The following TXNDC11 variants were observed in gnomAD, a reference collection of about 807,000 sequenced individuals.
The protein encoded by TXNDC11 is thioredoxin domain-containing protein 11.
TXNDC11 carries 68 observed loss-of-function variants against 78.0 expected under a neutral mutation model. The observed-to-expected ratio is 0.87, with a 90% CI of 0.72 to 1.07. TXNDC11 has a LOEUF of 1.07. TXNDC11 is among the 50% of genes least tolerant of loss of function. The pLI is 0.00. For missense variants in TXNDC11, 1,389 were observed against 1,221.8 expected, an observed-to-expected ratio of 1.14 and a Z score of -2.04; for synonymous variants, 571 against 495.2, an observed-to-expected ratio of 1.15 and a Z score of -2.03.
At position 11,679,180 on chromosome 16, in the gene TXNDC11, A is replaced by C. The variant is rs779075493; in HGVS notation, c.*15T>G. On this transcript the variant is annotated 3_prime_UTR_variant, in exon 12 of 12. Coordinates refer to ENST00000283033, the MANE Select transcript of TXNDC11 (RefSeq NM_015914.7). The surrounding 1 kb of genome is among the most constrained non-coding windows in gnomAD (Gnocchi z 4.6). ...TACAATTTTCACCTCTGATTTCTTCATATCATTTAAAAAGTTAGTCTGTCC... is the reference window on the plus strand; with the variant it reads ...TACAATTTTCACCTCTGATTTCTTCCTATCATTTAAAAAGTTAGTCTGTCC... 4 of 1,609,948 alleles carry C rather than the reference A, an allele frequency of 2.5e-6. No individual in the cohort carries two copies. In the South Asian group the frequency reaches 4.4e-5, roughly 18 times the overall value.
chr16:11,681,613 CTG>C (rs1448806139), intron 11 of TXNDC11, among the ~76,000 whole-genome samples: 2 of 152,312 alleles, frequency 1.3e-5, no homozygotes, highest in East Asian at 3.9e-4. Flanking sequence ...CTCTAAAAAA[CTG>C]TGATTCTTCC....
In TXNDC11 at chr16:11,688,417, G is replaced by A. The variant is rs61738739; in HGVS notation, c.1929C>T (p.Leu643=). 1 of 1,612,880 alleles carries A rather than the reference G, an allele frequency of 6.2e-7. No individual in the cohort carries two copies. Among genetic ancestry groups the A allele is most frequent in the East Asian group, 2.2e-5 (1 of 44,880 alleles). The part of the protein sequence containing the change: ...LESFIQNFSV[L]YSPLKRHLIG... ...TGAGATGCCTTTTCAAGGGACTATA[G>A]AGAACGCTGAAGTTTTGAATAAAAG... Residue 643 remains leucine (L), a synonymous_variant, in exon 9 of 12, where the codon CTC becomes CTT. Coordinates refer to ENST00000283033, the MANE Select transcript of TXNDC11 (RefSeq NM_015914.7).
At chr16:11,734,130 T>C in intron 2 of TXNDC11, 51 bp from the exon 3 acceptor site, 1 of 1,148,358 alleles carries the variant, frequency 8.7e-7, no homozygotes, top group Middle Eastern at 2.0e-4. Context: ...AACTGAAAAG[T>C]TACCAAGATT....
At chr16:11,688,985 C>T (rs945215594) in intron 8 of TXNDC11, among the ~76,000 whole-genome samples, 1 of 151,872 alleles carries the variant, frequency 6.6e-6, no homozygotes, top group Non-Finnish European at 1.5e-5. Context: ...TACATAAAAC[C>T]CATAATAATC....
Position 11,679,185 on chromosome 16 carries a change from A to G in TXNDC11, c.*10T>C, listed in dbSNP as rs1420892763. On this transcript the variant is annotated 3_prime_UTR_variant, in exon 12 of 12. Coordinates refer to ENST00000283033, the MANE Select transcript of TXNDC11 (RefSeq NM_015914.7). This position sits in a 1 kb window ranked among gnomAD's most constrained non-coding sequence, Gnocchi z 4.6. ...TTTTCACCTCTGATTTCTTCATATC[A>G]TTTAAAAAGTTAGTCTGTCCTGTTC... is the stretch of plus-strand genomic sequence containing the variant. The G allele has an allele frequency of 6.2e-7, 1 of 1,610,858 alleles. No homozygotes were observed. Among genetic ancestry groups the G allele is most frequent in the Admixed American group, 1.7e-5 (1 of 59,404 alleles).
intron 5 of TXNDC11, among the ~76,000 whole-genome samples, chr16:11,705,292 G>A (rs1258457945): frequency 6.6e-6 from 1 of 152,164 alleles, no homozygotes; most frequent in Non-Finnish European, 1.5e-5. Context: ...AGGCAATTAT[G>A]GAACTCTCTG....
In TXNDC11 at chr16:11,691,329, T is replaced by C. The variant is rs141781315; in HGVS notation, c.1861A>G (p.Ile621Val). Residue 621 changes from isoleucine to valine, a missense_variant, in exon 8 of 12, where the codon ATC becomes GTC. Coordinates refer to ENST00000283033, the MANE Select transcript of TXNDC11 (RefSeq NM_015914.7). Reference sequence around the variant, plus strand: ...ATCAGTGCTTGCTTTGGATCCAAGATGTAATGAGATTCTTCTTTCACGTCA... The same window carrying C: ...ATCAGTGCTTGCTTTGGATCCAAGACGTAATGAGATTCTTCTTTCACGTCA... ...IVDVKEESHY[I>V]LDPKQALMKL... 6.2e-7 allele frequency: 1 copy of C among 1,614,140 alleles called. No individual in the cohort carries two copies. Among genetic ancestry groups the C allele is most frequent in the Non-Finnish European group, 8.5e-7 (1 of 1,179,974 alleles).
intron 3 of TXNDC11, among the ~76,000 whole-genome samples, chr16:11,732,880 G>T (rs901612288): frequency 6.6e-6 from 1 of 152,078 alleles, no homozygotes; most frequent in African/African-American, 2.4e-5. Context: ...AAAAAGGAAA[G>T]CTCTCTACTG....
rs145520329 is a variant in TXNDC11 at position 11,698,717 on chromosome 16, C to G, written c.907-392G>C. 2.2e-3 allele frequency among the ~76,000 whole-genome samples: 337 copies of G among 152,328 alleles called. 1 individual carries two copies. Among genetic ancestry groups the G allele is most frequent in the African/African-American group, 7.6e-3 (317 of 41,576 alleles). On this transcript the variant is annotated intron_variant, in intron 6 of 11. Transcript: ENST00000283033. Reference sequence around the variant, plus strand: ...TCTAAGGGAACAGAAACTACAGAGTCAAGGATCATTTAGATTTTGACCTTG... The same window carrying G: ...TCTAAGGGAACAGAAACTACAGAGTGAAGGATCATTTAGATTTTGACCTTG...
chr16:11,703,030 G>A (rs1427006300), intron 5 of TXNDC11, among the ~76,000 whole-genome samples: 2 of 152,126 alleles, frequency 1.3e-5, no homozygotes, highest in Non-Finnish European at 2.9e-5. Flanking sequence ...GCACTGAGTA[G>A]GCCTTTTTGT....
chr16:11,681,011 A>G (rs1298175955), intron 11 of TXNDC11, among the ~76,000 whole-genome samples: 1 of 152,002 alleles, frequency 6.6e-6, no homozygotes, highest in Non-Finnish European at 1.5e-5. Context: ...TATAAAAAGT[A>G]AGATAAAAAA....
At chr16:11,725,358 G>GA (rs36072638) in intron 4 of TXNDC11, among the ~76,000 whole-genome samples, 36 of 143,972 alleles carry the variant, frequency 2.5e-4, no homozygotes, top group South Asian at 4.4e-4. Context: ...TATTCATTTA[G>GA]AAAAAAAAAA....
chr16:11,729,792 T>C (rs1191285684), intron 4 of TXNDC11, among the ~76,000 whole-genome samples: 1 of 152,170 alleles, frequency 6.6e-6, no homozygotes, highest in East Asian at 1.9e-4. Flanking sequence ...ATTCTTAACA[T>C]GCATTAAAGA....
At chr16:11,719,987 A>T (rs1464404331) in intron 5 of TXNDC11, among the ~76,000 whole-genome samples, 3 of 152,090 alleles carry the variant, frequency 2.0e-5, no homozygotes, top group African/African-American at 4.8e-5. Context: ...GAGGAAGGAG[A>T]AGCGAGTGGA....
chr16:11,694,728 C>G (rs1194599452), intron 7 of TXNDC11, among the ~76,000 whole-genome samples: 2 of 152,064 alleles, frequency 1.3e-5, no homozygotes, highest in East Asian at 3.9e-4. Flanking sequence ...GCTGGGATTA[C>G]AGGCGTGAGC....
chr16:11,719,381 A>T (rs1021286715), intron 5 of TXNDC11, among the ~76,000 whole-genome samples: 5 of 152,212 alleles, frequency 3.3e-5, no homozygotes, highest in African/African-American at 1.2e-4. Context: ...CTGCTTAGTC[A>T]CTTGAAACTG....
Position 11,734,096 on chromosome 16 carries a change from G to C in TXNDC11, c.472-17C>G. ...AAACAACACCTGCAGAGCCAAAAAAGGTTTTCAAATGACTATGAATAACAA... is the reference window on the plus strand; with the variant it reads ...AAACAACACCTGCAGAGCCAAAAAACGTTTTCAAATGACTATGAATAACAA... On this transcript the variant is annotated splice_polypyrimidine_tract_variant and intron_variant, in intron 2 of 11. Transcript: ENST00000283033. 5 of 1,547,460 alleles carry C rather than the reference G, an allele frequency of 3.2e-6. No homozygotes were observed. The highest frequency in any genetic ancestry group is 4.4e-6 in the Non-Finnish European group (5 of 1,142,466).
chr16:11,687,976 A>C lies in TXNDC11; in HGVS notation c.2044-10T>G, dbSNP rs754717030. ...AGAGCAGGAGAACGTCCTGTGGGAA[A>C]GGGAAGACAGATGTTACTTGCACCG... On this transcript the variant is annotated splice_polypyrimidine_tract_variant and intron_variant, in intron 9 of 11. Coordinates refer to ENST00000283033, the MANE Select transcript of TXNDC11 (RefSeq NM_015914.7). The C allele has an allele frequency of 6.3e-7, 1 of 1,591,574 alleles. No individual in the cohort carries two copies. The highest frequency in any genetic ancestry group is 1.7e-5 in the Admixed American group (1 of 59,776).
intron 3 of TXNDC11, among the ~76,000 whole-genome samples, chr16:11,731,624 G>C (rs2052050312): frequency 6.6e-6 from 1 of 151,838 alleles, no homozygotes; most frequent in African/African-American, 2.4e-5. Context: ...ACAGCAACAA[G>C]AGCCCAGTGA....
Sources: gnomAD v4.1 joint callset for allele counts (sites outside exome capture counted in the v4.1 genomes callset) on GRCh38, gnomAD v4.1.1 for gene constraint, Gnocchi (gnomAD v3.1) non-coding constraint, MANE v1.5 for transcripts, NCBI Gene and HGNC (gene_info 2026-07-23, HGNC 2026-07-21) for gene names.